TNRC6A: variants seen among roughly 807,000 people sequenced by gnomAD.
The protein encoded by TNRC6A is trinucleotide repeat-containing gene 6A protein.
In TNRC6A, 44 loss-of-function variants were observed where a neutral mutation model predicts 221.2. That is an observed-to-expected ratio of 0.20 (90% CI 0.16 to 0.26). TNRC6A has a LOEUF of 0.26. TNRC6A is among the 10% of genes least tolerant of loss of function. TNRC6A has a pLI of 1.00. For missense variants in TNRC6A, 2,199 were observed against 2,404.4 expected, an observed-to-expected ratio of 0.91 and a Z score of 1.79; for synonymous variants, 847 against 838.5, an observed-to-expected ratio of 1.01 and a Z score of -0.18.
upstream of TNRC6A, among the ~76,000 whole-genome samples, chr16:24,728,476 A>AT (rs2056531324): frequency 6.6e-6 from 1 of 151,886 alleles, no homozygotes; most frequent in African/African-American, 2.4e-5. Context: ...AAAAAAATAA[A>AT]AAAAAAAGCC....
At position 24,768,854 on chromosome 16, in the gene TNRC6A, T is replaced by C. The variant is rs143933669; in HGVS notation, c.164-8079T>C. Among the ~76,000 whole-genome samples, 965 of 152,304 alleles carry C rather than the reference T, an allele frequency of 6.3e-3. 11 individuals carry two copies. The highest frequency in any genetic ancestry group is 0.021 in the African/African-American group (867 of 41,546). On this transcript the variant is annotated intron_variant, in intron 4 of 24. Transcript: ENST00000395799. ...AAGTTAAATAGTAGACTTTGACAGA[T>C]AGGAATAATGTAAGGGCTTGAGGTA...
At chr16:24,760,257 C>T (rs868837472) in intron 4 of TNRC6A, among the ~76,000 whole-genome samples, 26 of 152,152 alleles carry the variant, frequency 1.7e-4, no homozygotes, top group Admixed American at 5.2e-4. Flanking sequence ...CTCTCCCTTT[C>T]CAGTTTCTTA....
intron 21 of TNRC6A, 113 bp downstream of exon 21, chr16:24,818,813 T>C (rs2058707513): frequency 1.2e-6 from 1 of 807,114 alleles, no homozygotes; most frequent in African/African-American, 1.7e-5. Flanking sequence ...GAGATTCTGT[T>C]TGTGAGCCTG....
chr16:24,643,776 C>T (rs757782343), intron 2 of TNRC6A, among the ~76,000 whole-genome samples: 8 of 151,998 alleles, frequency 5.3e-5, no homozygotes, highest in Non-Finnish European at 8.8e-5. Flanking sequence ...AGGCCACACA[C>T]GGACACTGAT....
At chr16:24,821,649 A>T (rs950399293) in intron 22 of TNRC6A, 4 of 158,378 alleles carry the variant, frequency 2.5e-5, no homozygotes, top group African/African-American at 9.6e-5. Flanking sequence ...AACCCCGGGG[A>T]AAACAAGGAG....
At chr16:24,786,463 C>T (rs2057971416) in intron 5 of TNRC6A, among the ~76,000 whole-genome samples, 1 of 151,954 alleles carries the variant, frequency 6.6e-6, no homozygotes, top group South Asian at 2.1e-4. Context: ...GCTGGGACTG[C>T]AGGCACCCAC....
intron 2 of TNRC6A, among the ~76,000 whole-genome samples, chr16:24,708,410 T>G (rs571572032): frequency 8.1e-4 from 123 of 152,062 alleles, no homozygotes; most frequent in African/African-American, 2.7e-3. Flanking sequence ...CCGGCTAATT[T>G]TTTTGTATTT....
chr16:24,751,626 T>C (rs1233815089), intron 3 of TNRC6A, among the ~76,000 whole-genome samples: 1 of 152,216 alleles, frequency 6.6e-6, no homozygotes. Context: ...ATTAAAATGC[T>C]CTAAAAACCT....
chr16:24,792,785 A>ATTTTTT (rs34453471), intron 6 of TNRC6A, among the ~76,000 whole-genome samples: 1 of 120,428 alleles, frequency 8.3e-6, no homozygotes, highest in East Asian at 2.4e-4. Flanking sequence ...TTGTGGCACA[A>ATTTTTT]TTTTTTTTTT....
chr16:24,782,875 A>C (rs2057882016), intron 5 of TNRC6A, among the ~76,000 whole-genome samples: 1 of 152,124 alleles, frequency 6.6e-6, no homozygotes, highest in South Asian at 2.1e-4. Context: ...CCGTCTGACA[A>C]AAAAAAGAGT....
At chr16:24,738,533 G>A (rs188377898) in intron 2 of TNRC6A, among the ~76,000 whole-genome samples, 105 of 152,228 alleles carry the variant, frequency 6.9e-4, no homozygotes, top group Admixed American at 1.6e-3. Flanking sequence ...CGTTTAAGTG[G>A]AATCATACTA....
chr16:24,721,003 C>T (rs534174714), intron 2 of TNRC6A, among the ~76,000 whole-genome samples: 22 of 152,168 alleles, frequency 1.4e-4, no homozygotes, highest in Non-Finnish European at 2.8e-4. Flanking sequence ...TGCAGTGAGC[C>T]GAGATCATGC....
intron 2 of TNRC6A, among the ~76,000 whole-genome samples, chr16:24,688,937 C>T (rs955898651): frequency 1.3e-5 from 2 of 152,142 alleles, no homozygotes; most frequent in African/African-American, 2.4e-5. Flanking sequence ...CACAGTGGCT[C>T]ATGCCTGTAA....
At chr16:24,690,356 G>A (rs2055730788) in intron 2 of TNRC6A, among the ~76,000 whole-genome samples, 3 of 152,164 alleles carry the variant, frequency 2.0e-5, no homozygotes, top group East Asian at 1.9e-4. Context: ...TAACAAGGAA[G>A]GGAAATTATT....
intron 20 of TNRC6A, 125 bp from the exon 21 acceptor site, chr16:24,818,468 C>T (rs1185817582): frequency 4.1e-6 from 3 of 732,964 alleles, no homozygotes; most frequent in Non-Finnish European, 7.2e-6. Context: ...CACCATCTTA[C>T]CCTGAGTGGA....
At chr16:24,743,298 T>C (rs927217934) in intron 2 of TNRC6A, among the ~76,000 whole-genome samples, 2 of 152,188 alleles carry the variant, frequency 1.3e-5, no homozygotes, top group African/African-American at 4.8e-5. Flanking sequence ...TCACTAACTT[T>C]CCTCAATCTG....
intron 20 of TNRC6A, among the ~76,000 whole-genome samples, chr16:24,817,316 G>C (rs1157212440): frequency 6.6e-6 from 1 of 152,064 alleles, no homozygotes; most frequent in African/African-American, 2.4e-5. Flanking sequence ...TTGTATTAAA[G>C]GAATGAAAAA....
chr16:24,744,127 G>A lies in TNRC6A; in HGVS notation c.54-6599G>A, dbSNP rs145008733. Among the ~76,000 whole-genome samples, 314 of 152,242 alleles carry A rather than the reference G, an allele frequency of 2.1e-3. 1 individual carries two copies. Among genetic ancestry groups the A allele is most frequent in the African/African-American group, 7.4e-3 (307 of 41,546 alleles). On this transcript the variant is annotated intron_variant, in intron 2 of 24. Coordinates refer to ENST00000395799, the MANE Select transcript of TNRC6A (RefSeq NM_014494.4). The stretch of plus-strand genomic sequence containing the variant: ...AATGTCCCTCAGTCTGTATTTGTCC[G>A]TTATTTCCTTATGACCTGATCAGGT...
chr16:24,755,088 C>T (rs781683326), intron 3 of TNRC6A, among the ~76,000 whole-genome samples: 1 of 152,112 alleles, frequency 6.6e-6, no homozygotes, highest in Non-Finnish European at 1.5e-5. Flanking sequence ...AGTCTTGCCC[C>T]TCATTGCACC....
Sources: gnomAD v4.1 joint callset for allele counts (sites outside exome capture counted in the v4.1 genomes callset) on GRCh38, gnomAD v4.1.1 for gene constraint, MANE v1.5 for transcripts, NCBI Gene and HGNC (gene_info 2026-07-23, HGNC 2026-07-21) for gene names.